The following HIPK1 variants were observed in gnomAD, a reference collection of about 807,000 sequenced individuals.
The protein encoded by HIPK1 is homeodomain-interacting protein kinase 1.
Under a neutral mutation model 117.1 loss-of-function variants are expected in HIPK1, and 28 were observed. The observed-to-expected ratio is 0.24, with a 90% CI of 0.18 to 0.33. The LOEUF (loss-of-function observed/expected upper bound fraction) is 0.33, where lower values mean the gene tolerates loss of function less well. HIPK1 is among the 10% of genes least tolerant of loss of function. The pLI is 1.00. For missense variants in HIPK1, 1,122 were observed against 1,475.1 expected (o/e 0.76, Z 3.92); for synonymous variants, 605 against 562.5 (o/e 1.08, Z -1.07).
chr1:113,930,044 G>C (rs1669749964), intron 1 of HIPK1: 1 of 983,464 alleles, frequency 1.0e-6, no homozygotes, highest in Non-Finnish European at 1.2e-6. Context: ...CGCCCAGCCT[G>C]CCGGGGGCGC....
Position 113,974,144 on chromosome 1 carries a change from G to GTAT in HIPK1, c.*635_*637dup, listed in dbSNP as rs1260165972. On this transcript the variant is annotated 3_prime_UTR_variant, in exon 16 of 16. Transcript: ENST00000426820. ...TTGTTATTTTTGCAAAACTGGTTAC[G>GTAT]TATTACTCTGTGTTACTATTGAGAT... 1.3e-5 allele frequency: 2 copies of GTAT among 152,326 alleles called. No individual in the cohort carries two copies. The highest frequency in any genetic ancestry group is 3.8e-4 in the East Asian group (2 of 5,324). The allele number at this position is 152,326 out of a possible 1,614,324, so 9.4% of individuals were successfully genotyped here. A position where few individuals can be genotyped will look rare whatever the true frequency, so the allele number is the denominator to read the frequency against.
At chr1:113,960,325 C>A (rs1672015146) in intron 8 of HIPK1, among the ~76,000 whole-genome samples, 1 of 152,188 alleles carries the variant, frequency 6.6e-6, no homozygotes. Context: ...AACAGTGTTG[C>A]CTTTTGTTAA....
At chr1:113,968,252 G>A (rs1384131860) in intron 12 of HIPK1, among the ~76,000 whole-genome samples, 190 bp from the exon 13 acceptor site, 1 of 152,148 alleles carries the variant, frequency 6.6e-6, no homozygotes, top group Non-Finnish European at 1.5e-5. Flanking sequence ...TTGTATTTTG[G>A]TGTTCTTGTC....
chr1:113,961,999 A>G (rs1672155499), intron 8 of HIPK1, among the ~76,000 whole-genome samples: 1 of 150,124 alleles, frequency 6.7e-6, no homozygotes, highest in African/African-American at 2.4e-5. Context: ...CTAAGTGAAG[A>G]TTTTTTTGTT....
At chr1:113,947,431 T>C (rs1671058466) in intron 2 of HIPK1, among the ~76,000 whole-genome samples, 2 of 152,198 alleles carry the variant, frequency 1.3e-5, no homozygotes, top group South Asian at 2.1e-4. Context: ...GACAAACAAA[T>C]AATCTAATTT....
rs528885198 is a variant in HIPK1 at position 113,964,961 on chromosome 1, A to G, written c.2239-1169A>G. On this transcript the variant is annotated intron_variant, in intron 10 of 15. Coordinates refer to ENST00000426820, the MANE Select transcript of HIPK1 (RefSeq NM_198268.3). ...TATTTCTTGCTTTGTATTAAACTAC[A>G]TGCTTTGTCTTGTGCAGGTGTTGGC... Among the ~76,000 whole-genome samples, 3 of 152,358 alleles carry G rather than the reference A, an allele frequency of 2.0e-5. No individual in the cohort carries two copies. The South Asian group carries it at 6.2e-4, about 32-fold the overall frequency.
Position 113,957,178 on chromosome 1 carries a change from T to C in HIPK1, c.1647T>C (p.Tyr549=). The change falls in exon 7 of 16, where the codon TAT becomes TAC. Residue 549 remains tyrosine, a synonymous_variant. Coordinates refer to ENST00000426820, the MANE Select transcript of HIPK1 (RefSeq NM_198268.3). ...TCTGCAAGCGGAGGGTTCACATGTA[T>C]GATACAGTGAGTCAGATCAAGAGTC... The part of the protein sequence containing the change: ...MEICKRRVHM[Y]DTVSQIKSPF... 6.2e-7 allele frequency: 1 copy of C among 1,613,098 alleles called. No individual in the cohort carries two copies.
chr1:113,932,704 A>C (rs1357033616), intron 1 of HIPK1, among the ~76,000 whole-genome samples: 1 of 152,084 alleles, frequency 6.6e-6, no homozygotes, highest in Non-Finnish European at 1.5e-5. Context: ...TCATCTCGGA[A>C]TTAGGGGGTT....
chr1:113,931,168 GTTT>G (rs35159791), intron 1 of HIPK1, among the ~76,000 whole-genome samples: 1 of 137,008 alleles, frequency 7.3e-6, no homozygotes, highest in East Asian at 2.1e-4. Flanking sequence ...TGGTCTGTGG[GTTT>G]TTTTTTTTTT....
At chr1:113,956,235 C>T (rs774472957) in intron 5 of HIPK1, among the ~76,000 whole-genome samples, 7 of 151,842 alleles carry the variant, frequency 4.6e-5, no homozygotes, top group African/African-American at 1.2e-4. Context: ...CCACCATGCC[C>T]GGCTAATTTT....
intron 1 of HIPK1, among the ~76,000 whole-genome samples, chr1:113,935,026 T>C (rs1338462022): frequency 3.3e-5 from 5 of 150,266 alleles, no homozygotes; most frequent in Admixed American, 6.6e-5. Context: ...CTGTTTTTTT[T>C]TTTTAAACCT....
Position 113,952,859 on chromosome 1 carries a change from T to C in HIPK1, c.1170T>C (p.Pro390=). 6.5e-7 allele frequency: 1 copy of C among 1,543,312 alleles called. No homozygotes were observed. Residue 390 remains proline (P), a synonymous_variant, in exon 3 of 16, where the codon CCT becomes CCC. Coordinates refer to ENST00000426820, the MANE Select transcript of HIPK1 (RefSeq NM_198268.3). ...CVIAELFLGW[P]LYPGASEYDQ... ...TAGCTGAGCTGTTCCTGGGATGGCC[T>C]CTTTATCCTGGTGCTTCAGAATATG...
At chr1:113,971,435 A>G (rs1445199137) in intron 14 of HIPK1, among the ~76,000 whole-genome samples, 1 of 152,184 alleles carries the variant, frequency 6.6e-6, no homozygotes, top group Non-Finnish European at 1.5e-5. Flanking sequence ...TGCCACTTTA[A>G]TATCCTAAGA....
Position 113,968,593 on chromosome 1 carries a change from A to G in HIPK1, c.2716A>G (p.Ile906Val), listed in dbSNP as rs1249693863. 2 of 1,614,050 alleles carry G rather than the reference A, an allele frequency of 1.2e-6. No homozygotes were observed. The highest frequency in any genetic ancestry group is 1.7e-6 in the Non-Finnish European group (2 of 1,179,982). ...TACTCCCAGCCCTCCTGTGAGTGTCATCACTATCCGAAGTGACACTGATGA... is the reference window on the plus strand; with the variant it reads ...TACTCCCAGCCCTCCTGTGAGTGTCGTCACTATCCGAAGTGACACTGATGA... ...PDTPSPPVSV[I>V]TIRSDTDEEE... The change falls in exon 13 of 16, where the codon ATC becomes GTC. Residue 906 changes from isoleucine to valine, a missense_variant. Around this residue, in one of 6 missense-constraint regions of HIPK1, gnomAD observed 731 missense variants for 860.4 expected, o/e 0.85. Transcript: ENST00000426820.
In HIPK1 at chr1:113,962,330, A is replaced by G; in HGVS notation, c.1995A>G (p.Ala665=). ...TGTTTTCAATAGCTGGACTACAAGC[A>G]ACAACAAAGCATTCTGGATTCCCTG... is the stretch of plus-strand genomic sequence containing the variant. ...CPPAFQTGLQ[A]TTKHSGFPVR... The change falls in exon 9 of 16, where the codon GCA becomes GCG. Residue 665 remains alanine, a synonymous_variant. Coordinates refer to ENST00000426820, the MANE Select transcript of HIPK1 (RefSeq NM_198268.3). 6.2e-7 allele frequency: 1 copy of G among 1,613,878 alleles called. No individual in the cohort carries two copies. Among genetic ancestry groups the G allele is most frequent in the Non-Finnish European group, 8.5e-7 (1 of 1,179,854 alleles).
In HIPK1 at chr1:113,970,116, G is replaced by C; in HGVS notation, c.2932G>C (p.Asp978His). 1 of 1,614,160 alleles carries C rather than the reference G, an allele frequency of 6.2e-7. No individual in the cohort carries two copies. Among genetic ancestry groups the C allele is most frequent in the Non-Finnish European group, 8.5e-7 (1 of 1,180,016 alleles). Residue 978 changes from aspartate to histidine, a missense_variant, in exon 14 of 16, where the codon GAT becomes CAT. Asp to His is a moderately conservative substitution (Grantham distance 81, BLOSUM62 -1). Coordinates refer to ENST00000426820, the MANE Select transcript of HIPK1 (RefSeq NM_198268.3). ...VLEGPGRVVADGTGTRTIIVP... is the reference protein window; with the variant it reads ...VLEGPGRVVAHGTGTRTIIVP... ...GGAGGGGCCTGGCAGAGTTGTGGCAGATGGCACTGGCACCCGCACTATCAT... is the reference window on the plus strand; with the variant it reads ...GGAGGGGCCTGGCAGAGTTGTGGCACATGGCACTGGCACCCGCACTATCAT...
intron 1 of HIPK1, chr1:113,933,083 G>A: frequency 7.3e-6 from 4 of 547,606 alleles, no homozygotes; most frequent in Non-Finnish European, 9.3e-6. Context: ...GTACTAAAAT[G>A]TAGTACCTTT....
At chr1:113,960,497 T>G (rs1168863382) in intron 8 of HIPK1, among the ~76,000 whole-genome samples, 1 of 152,222 alleles carries the variant, frequency 6.6e-6, no homozygotes, top group Non-Finnish European at 1.5e-5. Context: ...TTCTGTAATT[T>G]TGTCACCTTT....
Position 113,941,362 on chromosome 1 carries a change from G to A in HIPK1, c.979G>A (p.Val327Ile), listed in dbSNP as rs1204058442. 1 of 1,614,204 alleles carries A rather than the reference G, an allele frequency of 6.2e-7. No homozygotes were observed. Among genetic ancestry groups the A allele is most frequent in the African/African-American group, 1.3e-5 (1 of 75,062 alleles). ...TGAAAACATCATGCTGGTTGATCCA[G>A]TTCGCCAGCCCTACCGAGTGAAGGT... The part of the protein sequence containing the change: ...KPENIMLVDP[V>I]RQPYRVKVID... The change falls in exon 2 of 16, where the codon GTT becomes ATT. Residue 327 changes from valine (V) to isoleucine (I), a missense_variant. Coordinates refer to ENST00000426820, the MANE Select transcript of HIPK1 (RefSeq NM_198268.3). The surrounding 1 kb of genome is among the most constrained non-coding windows in gnomAD (Gnocchi z 4.9).
Sources: gnomAD v4.1 joint callset for allele counts (sites outside exome capture counted in the v4.1 genomes callset) on GRCh38, gnomAD v4.1.1 for gene constraint, gnomAD v4.1.1 regional missense constraint, Gnocchi (gnomAD v3.1) non-coding constraint, MANE v1.5 for transcripts, NCBI Gene and HGNC (gene_info 2026-07-23, HGNC 2026-07-21) for gene names.